The following PTPRD variants were observed in gnomAD, a reference collection of about 807,000 sequenced individuals.
PTPRD encodes protein tyrosine phosphatase receptor type D.
Under a neutral mutation model 214.5 loss-of-function variants are expected in PTPRD, and 34 were observed. The observed-to-expected ratio is 0.16, with a 90% confidence interval of 0.12 to 0.21. The LOEUF is 0.21. PTPRD is among the 10% of genes least tolerant of loss of function. The pLI is 1.00. For synonymous variants in PTPRD, 1,128 were observed against 845.7 expected (o/e 1.33, Z -5.79); for missense variants, 2,545 against 2,398.7 (o/e 1.06, Z -1.27).
At chr9:10,219,479 G>T (rs4741018) in intron 3 of PTPRD, among the ~76,000 whole-genome samples, 1 of 151,348 alleles carries the variant, frequency 6.6e-6, no homozygotes, top group African/African-American at 2.4e-5. Context: ...TCTGATTTAC[G>T]AGCAAAGGAA....
rs869246078 is a variant in PTPRD at position 9,384,343 on chromosome 9, C to CTTTTTTTTTTTTTTTTTTTTTT, written c.-203+13084_-203+13105dup. ...GATGATATTTGAGCAGAAGACTAGG[C>CTTTTTTTTTTTTTTTTTTTTTT]TTTTTTTTTTTTTTTTTTTTTTTTT... is the stretch of plus-strand genomic sequence containing the variant. On this transcript the variant is annotated intron_variant, in intron 9 of 45. Coordinates refer to ENST00000381196, the MANE Select transcript of PTPRD (RefSeq NM_002839.4). 6.0e-5 allele frequency among the ~76,000 whole-genome samples: 2 copies of CTTTTTTTTTTTTTTTTTTTTTT among 33,316 alleles called. 1 individual carries two copies. The highest frequency in any genetic ancestry group is 1.4e-4 in the Non-Finnish European group (2 of 14,296). The allele number at this position is 33,316 out of a possible 152,430, so 21.9% of individuals were successfully genotyped here. A position where few individuals can be genotyped will look rare whatever the true frequency, so the allele number is the denominator to read the frequency against.
At chr9:8,480,596 T>G (rs764331842) in intron 30 of PTPRD, among the ~76,000 whole-genome samples, 1 of 152,224 alleles carries the variant, frequency 6.6e-6, no homozygotes, top group South Asian at 2.1e-4. Context: ...ATGGCCTTGA[T>G]GGTTTTATAG....
chr9:9,019,492 G>C (rs1439866590), intron 10 of PTPRD, among the ~76,000 whole-genome samples: 1 of 152,106 alleles, frequency 6.6e-6, no homozygotes, highest in East Asian at 1.9e-4. Flanking sequence ...ATCACTTAAG[G>C]TCAGGAATTC....
rs1208824631 is a variant in PTPRD at position 9,717,913 on chromosome 9, G to T, written c.-287+16620C>A. 4.1e-5 allele frequency among the ~76,000 whole-genome samples: 5 copies of T among 123,180 alleles called. No homozygotes were observed. In the East Asian group the frequency reaches 1.2e-3, roughly 29 times the overall value. The allele number at this position is 123,180 out of a possible 152,430, so 80.8% of individuals were successfully genotyped here. ...AATCAAAAAATTAAAAATAAAATTA[G>T]CATTGGAAAGACTTGAAATAAAAAA... is the stretch of plus-strand genomic sequence containing the variant. On this transcript the variant is annotated intron_variant, in intron 7 of 45. Coordinates refer to ENST00000381196, the MANE Select transcript of PTPRD (RefSeq NM_002839.4).
chr9:8,630,519 CTATTT>C (rs1316996064), intron 14 of PTPRD, among the ~76,000 whole-genome samples: 18 of 151,862 alleles, frequency 1.2e-4, no homozygotes, highest in Non-Finnish European at 1.8e-4. Context: ...TAAAAGTATT[CTATTT>C]TAAGATTATG....
At chr9:10,500,428 T>C (rs992520114) in intron 2 of PTPRD, among the ~76,000 whole-genome samples, 1 of 151,962 alleles carries the variant, frequency 6.6e-6, no homozygotes, top group Non-Finnish European at 1.5e-5. Context: ...TTTTTGTGAA[T>C]ACATAGTAGG....
At chr9:9,970,506 G>C (rs74961646) in intron 4 of PTPRD, among the ~76,000 whole-genome samples, 1 of 151,832 alleles carries the variant, frequency 6.6e-6, no homozygotes, top group Non-Finnish European at 1.5e-5. Flanking sequence ...CATCTGGTTG[G>C]GTGGACAGTC....
At chr9:9,486,064 T>C (rs2095616844) in intron 8 of PTPRD, among the ~76,000 whole-genome samples, 1 of 142,958 alleles carries the variant, frequency 7.0e-6, no homozygotes, top group South Asian at 2.2e-4. Flanking sequence ...GGCAGGAGAA[T>C]AGCTTGAATC....
intron 7 of PTPRD, among the ~76,000 whole-genome samples, chr9:9,678,124 G>T (rs536569333): frequency 1.3e-5 from 2 of 151,988 alleles, no homozygotes; most frequent in Admixed American, 1.3e-4. Flanking sequence ...AATCAATATC[G>T]TGAAAATGGC....
chr9:10,028,090 C>T (rs939263083), intron 4 of PTPRD, among the ~76,000 whole-genome samples: 3 of 151,988 alleles, frequency 2.0e-5, no homozygotes, highest in African/African-American at 4.8e-5. Flanking sequence ...ATCATGAGGG[C>T]GGGTCTTTCT....
intron 11 of PTPRD, among the ~76,000 whole-genome samples, chr9:8,794,966 T>G (rs1428245880): frequency 1.3e-5 from 2 of 151,770 alleles, no homozygotes; most frequent in East Asian, 3.9e-4. Flanking sequence ...ATTAATTATT[T>G]GGAACCCAAT....
At chr9:10,462,793 A>G (rs16926055) in intron 2 of PTPRD, among the ~76,000 whole-genome samples, 15,358 of 151,780 alleles carry the variant, frequency 0.1, 2,251 homozygotes, top group African/African-American at 0.32. Flanking sequence ...GTTACAGGAC[A>G]TATTTTCTTG....
At chr9:8,624,817 C>CT (rs1048476088) in intron 14 of PTPRD, among the ~76,000 whole-genome samples, 2 of 151,864 alleles carry the variant, frequency 1.3e-5, no homozygotes, top group African/African-American at 4.8e-5. Flanking sequence ...CTGTTTCACT[C>CT]TGTCTTTGTA....
At chr9:8,887,241 G>C (rs764483088) in intron 11 of PTPRD, among the ~76,000 whole-genome samples, 1 of 152,000 alleles carries the variant, frequency 6.6e-6, no homozygotes, top group Non-Finnish European at 1.5e-5. Context: ...AGTATCTCAC[G>C]GCAGAGACCT....
chr9:9,758,771 C>T (rs988995275), intron 6 of PTPRD, among the ~76,000 whole-genome samples: 13 of 151,150 alleles, frequency 8.6e-5, no homozygotes, highest in African/African-American at 2.7e-4. Flanking sequence ...TACTCCCACC[C>T]CCCATATATT....
intron 10 of PTPRD, among the ~76,000 whole-genome samples, chr9:9,067,922 G>A (rs1265881754): frequency 6.6e-6 from 1 of 152,122 alleles, no homozygotes; most frequent in South Asian, 2.1e-4. Flanking sequence ...ACACAGAACT[G>A]TTCCATTACC....
At chr9:9,444,418 T>A (rs2089609675) in intron 8 of PTPRD, among the ~76,000 whole-genome samples, 1 of 152,194 alleles carries the variant, frequency 6.6e-6, no homozygotes, top group Admixed American at 6.5e-5. Context: ...CATCTTTAAT[T>A]CTCAGACCCA....
chr9:10,292,147 G>T (rs2095545234), intron 3 of PTPRD, among the ~76,000 whole-genome samples: 1 of 151,978 alleles, frequency 6.6e-6, no homozygotes, highest in African/African-American at 2.4e-5. Flanking sequence ...AATCCTGAAA[G>T]CTATCCTCAT....
At chr9:9,701,633 A>C (rs1022368379) in intron 7 of PTPRD, among the ~76,000 whole-genome samples, 1 of 152,200 alleles carries the variant, frequency 6.6e-6, no homozygotes, top group Non-Finnish European at 1.5e-5. Context: ...CATATGAAAG[A>C]CCTTGCAGAG....
Sources: gnomAD v4.1 joint callset for allele counts (sites outside exome capture counted in the v4.1 genomes callset) on GRCh38, gnomAD v4.1.1 for gene constraint, MANE v1.5 for transcripts, NCBI Gene and HGNC (gene_info 2026-07-23, HGNC 2026-07-21) for gene names.